Variants in SLC25A48 observed in about 807,000 individuals in gnomAD.
The protein encoded by SLC25A48 is solute carrier family 25 member 48.
SLC25A48 carries 29 observed loss-of-function variants against 32.2 expected under a neutral mutation model. That is an observed-to-expected ratio of 0.90 (90% CI 0.67 to 1.23). The LOEUF (loss-of-function observed/expected upper bound fraction) is 1.23, where lower values mean the gene tolerates loss of function less well. Among genes scored for constraint, SLC25A48 ranks in the 50% most tolerant of loss-of-function variants. SLC25A48 has a pLI of 0.00. For missense variants in SLC25A48, 399 were observed against 422.7 expected (o/e 0.94, Z 0.49); for synonymous variants, 164 against 172.3 (o/e 0.95, Z 0.38).
intron 3 of SLC25A48, among the ~76,000 whole-genome samples, chr5:135,748,671 G>A (rs1277896530): frequency 6.6e-6 from 1 of 151,926 alleles, no homozygotes; most frequent in African/African-American, 2.4e-5. Context: ...GAACTCTTCT[G>A]ACCACAGGAT....
intron 2 of SLC25A48, among the ~76,000 whole-genome samples, chr5:135,843,729 A>G (rs552648757): frequency 6.6e-6 from 1 of 152,354 alleles, no homozygotes; most frequent in Admixed American, 6.5e-5. Flanking sequence ...CAAAGCCCCA[A>G]GGGTGGGAAC....
chr5:135,735,263 T>A (rs4134371), intron 3 of SLC25A48, among the ~76,000 whole-genome samples: 1 of 151,986 alleles, frequency 6.6e-6, no homozygotes, highest in East Asian at 1.9e-4. Flanking sequence ...TAATTGTAAC[T>A]TTTCTCTATT....
intron 3 of SLC25A48, among the ~76,000 whole-genome samples, chr5:135,656,339 G>A (rs1753247566): frequency 6.6e-6 from 1 of 152,170 alleles, no homozygotes; most frequent in Admixed American, 6.5e-5. Context: ...ATCTGACACA[G>A]TCTGGCTAGG....
chr5:135,868,783 C>T (rs963499424), intron 4 of SLC25A48, among the ~76,000 whole-genome samples: 7 of 152,100 alleles, frequency 4.6e-5, no homozygotes, highest in African/African-American at 1.7e-4. Flanking sequence ...CAAGGTTTGA[C>T]AGGTGTTTTT....
At chr5:135,768,611 A>G (rs1008029931) in intron 3 of SLC25A48, among the ~76,000 whole-genome samples, 1 of 151,698 alleles carries the variant, frequency 6.6e-6, no homozygotes, top group East Asian at 2.0e-4. Context: ...GATACTCCCA[A>G]TGTCGCAGGG....
chr5:135,865,875 GA>G (rs1347614315), intron 4 of SLC25A48, among the ~76,000 whole-genome samples: 1 of 152,172 alleles, frequency 6.6e-6, no homozygotes, highest in Admixed American at 6.5e-5. Context: ...AATATGTAAG[GA>G]AGCTACTATG....
chr5:135,750,439 T>G (rs1270626004), intron 3 of SLC25A48, among the ~76,000 whole-genome samples: 1 of 152,142 alleles, frequency 6.6e-6, no homozygotes, highest in African/African-American at 2.4e-5. Flanking sequence ...CCTCCCTCTC[T>G]CAGTATTCAG....
chr5:135,699,687 A>G (rs1283015476), intron 3 of SLC25A48, among the ~76,000 whole-genome samples: 1 of 152,226 alleles, frequency 6.6e-6, no homozygotes, highest in Non-Finnish European at 1.5e-5. Flanking sequence ...TTTAAAAACA[A>G]TGGTAATAGC....
intron 3 of SLC25A48, among the ~76,000 whole-genome samples, chr5:135,741,068 C>G (rs1755491429): frequency 6.6e-6 from 1 of 152,206 alleles, no homozygotes; most frequent in South Asian, 2.1e-4. Context: ...AGGCCCTATG[C>G]TAAGTGCTTT....
chr5:135,808,558 G>C (rs141672582), intron 3 of SLC25A48, among the ~76,000 whole-genome samples: 1 of 151,844 alleles, frequency 6.6e-6, no homozygotes, highest in Non-Finnish European at 1.5e-5. Context: ...TGCCTTCTGC[G>C]TGTAGGCCCT....
chr5:135,795,639 A>G (rs1334539865), intron 3 of SLC25A48, among the ~76,000 whole-genome samples: 1 of 151,944 alleles, frequency 6.6e-6, no homozygotes, highest in East Asian at 1.9e-4. Context: ...GGGGTTGTAC[A>G]CTTCCCTGTG....
At chr5:135,668,769 A>G (rs1753581535) in intron 3 of SLC25A48, among the ~76,000 whole-genome samples, 1 of 152,246 alleles carries the variant, frequency 6.6e-6, no homozygotes, top group East Asian at 1.9e-4. Flanking sequence ...TCTGTTCCCT[A>G]AGCCAGCAAC....
At chr5:135,599,440 T>C (rs1751735343) in intron 1 of SLC25A48, among the ~76,000 whole-genome samples, 1 of 152,174 alleles carries the variant, frequency 6.6e-6, no homozygotes, top group Admixed American at 6.5e-5. Context: ...GGTTACCCAT[T>C]GTTCCCCTTT....
At chr5:135,799,965 A>G (rs1050533667) in intron 3 of SLC25A48, among the ~76,000 whole-genome samples, 13 of 151,878 alleles carry the variant, frequency 8.6e-5, no homozygotes, top group African/African-American at 2.4e-4. Context: ...AGAAGAGAAT[A>G]TCACTCCCAA....
intron 1 of SLC25A48, among the ~76,000 whole-genome samples, chr5:135,628,212 A>G (rs897051144): frequency 6.6e-6 from 1 of 152,164 alleles, no homozygotes; most frequent in Non-Finnish European, 1.5e-5. Flanking sequence ...TAAGACTCCA[A>G]ATTTCTCTGA....
chr5:135,796,288 G>A (rs13163476), intron 3 of SLC25A48, among the ~76,000 whole-genome samples: 1 of 151,652 alleles, frequency 6.6e-6, no homozygotes, highest in Non-Finnish European at 1.5e-5. Flanking sequence ...TTCAGCGGGG[G>A]AGACGGTGAT....
At position 135,784,250 on chromosome 5, in the gene SLC25A48, A is replaced by G. The variant is rs1397297605; in HGVS notation, c.-520-28273A>G. The stretch of plus-strand genomic sequence containing the variant: ...GAGAAAGAGGATGATATTACTCCCA[A>G]TAGCGCAGAGAGTGTACACCCCACC... On this transcript the variant is annotated intron_variant, in intron 3 of 10. Coordinates refer to the SLC25A48 transcript ENST00000646290. 2.8e-5 allele frequency among the ~76,000 whole-genome samples: 2 copies of G among 70,276 alleles called. 1 individual carries two copies. Among genetic ancestry groups the G allele is most frequent in the Non-Finnish European group, 8.8e-5 (2 of 22,824 alleles). The allele number at this position is 70,276 out of a possible 152,430, so 46.1% of individuals were successfully genotyped here.
intron 1 of SLC25A48, among the ~76,000 whole-genome samples, chr5:135,600,646 A>G (rs1580713432): frequency 1.3e-5 from 2 of 151,894 alleles, no homozygotes; most frequent in East Asian, 1.9e-4. Flanking sequence ...TGCCTGGCAC[A>G]TAGGTGCTCA....
chr5:135,739,947 T>A (rs530106892), intron 3 of SLC25A48, among the ~76,000 whole-genome samples: 2 of 152,282 alleles, frequency 1.3e-5, no homozygotes, highest in Admixed American at 1.3e-4. Flanking sequence ...AGTTGTCTAC[T>A]CACAAGTGGT....
Sources: gnomAD v4.1 joint callset for allele counts (sites outside exome capture counted in the v4.1 genomes callset) on GRCh38, gnomAD v4.1.1 for gene constraint, MANE v1.5 for transcripts, NCBI Gene and HGNC (gene_info 2026-07-23, HGNC 2026-07-21) for gene names.